CAPS2: variants seen among roughly 807,000 people sequenced by gnomAD.
CAPS2 encodes calcyphosine 2.
In CAPS2, 98 loss-of-function variants were observed where a neutral mutation model predicts 86.5. The ratio of observed to expected loss-of-function variants is 1.13; its 90% CI spans 0.96 to 1.34. The LOEUF (loss-of-function observed/expected upper bound fraction) is 1.34, where lower values mean the gene tolerates loss of function less well. Ranked by LOEUF, CAPS2 falls within the 40% of genes most tolerant of loss-of-function variation. The pLI, the probability that CAPS2 is intolerant of heterozygous loss-of-function variation, is 0.00. For missense variants in CAPS2, 729 were observed against 686.8 expected, an observed-to-expected ratio of 1.06 and a Z score of -0.69; for synonymous variants, 210 against 225.1, an observed-to-expected ratio of 0.93 and a Z score of 0.60.
chr12:75,306,019 C>T, intron 7 of CAPS2: 1 of 1,464,024 alleles, frequency 6.8e-7, no homozygotes, highest in Admixed American at 1.9e-5. Context: ...TCCTGAGCCT[C>T]ATTCTACTTG....
At chr12:75,334,675 A>G, upstream of CAPS2, 1 of 1,575,228 alleles carries the variant, frequency 6.3e-7, no homozygotes, top group Non-Finnish European at 8.6e-7. Flanking sequence ...GGGTTGCCCC[A>G]GCCGTTACTG....
intron 1 of CAPS2, among the ~76,000 whole-genome samples, chr12:75,348,118 G>A (rs1194458229): frequency 6.6e-6 from 1 of 151,990 alleles, no homozygotes; most frequent in Non-Finnish European, 1.5e-5. Context: ...TTTAAGAAAA[G>A]AACAACATAA....
chr12:75,344,013 G>A (rs2042290303), intron 1 of CAPS2: 4 of 1,239,642 alleles, frequency 3.2e-6, no homozygotes, highest in Admixed American at 4.8e-5. Flanking sequence ...TTCTCTGTAT[G>A]TAAAGTGCCT....
intron 16 of CAPS2, 32 bp from the exon 17 acceptor site, chr12:75,279,097 C>A: frequency 6.9e-7 from 1 of 1,449,160 alleles, no homozygotes; most frequent in South Asian, 1.6e-5. Context: ...GAAACAGTTT[C>A]CTGAAAAGTT....
At chr12:75,306,631 C>A (rs2038536490) in intron 7 of CAPS2, among the ~76,000 whole-genome samples, 2 of 152,266 alleles carry the variant, frequency 1.3e-5, no homozygotes, top group Non-Finnish European at 2.9e-5. Flanking sequence ...ACGTGCTAAA[C>A]TGATGAAATA....
At chr12:75,358,014 A>G (rs1343938193) in intron 1 of CAPS2, among the ~76,000 whole-genome samples, 1 of 151,602 alleles carries the variant, frequency 6.6e-6, no homozygotes, top group Non-Finnish European at 1.5e-5. Flanking sequence ...GCATACATAA[A>G]TAAAATAACA....
At chr12:75,292,956 C>T (rs1029986856) in intron 12 of CAPS2, among the ~76,000 whole-genome samples, 3 of 150,900 alleles carry the variant, frequency 2.0e-5, no homozygotes, top group African/African-American at 7.3e-5. Context: ...AAATTTATTT[C>T]TTTTGGTAAT....
At chr12:75,304,976 C>T (rs2038276815) in intron 7 of CAPS2, 100 bp from the exon 8 acceptor site, 1 of 882,572 alleles carries the variant, frequency 1.1e-6, no homozygotes, top group East Asian at 2.9e-5. Flanking sequence ...ATACCAAATG[C>T]AAATTTACAA....
At chr12:75,354,041 G>C (rs1419543441) in intron 1 of CAPS2, among the ~76,000 whole-genome samples, 1 of 151,414 alleles carries the variant, frequency 6.6e-6, no homozygotes, top group Non-Finnish European at 1.5e-5. Flanking sequence ...ATGTCATACT[G>C]AATGGGCAAA....
At chr12:75,355,762 T>C (rs974286360) in intron 1 of CAPS2, among the ~76,000 whole-genome samples, 1 of 152,032 alleles carries the variant, frequency 6.6e-6, no homozygotes, top group African/African-American at 2.4e-5. Flanking sequence ...ATAAAGAAAA[T>C]GTGGTACATA....
At chr12:75,291,815 G>T (rs762718498) in exon 13 of CAPS2, 1 of 1,533,852 alleles carries the variant, frequency 6.5e-7, no homozygotes, top group Non-Finnish European at 8.9e-7. Flanking sequence ...TTCCATAGAA[G>T]CAGTTCTGCA....
chr12:75,308,709 G>C (rs764446685), intron 7 of CAPS2, among the ~76,000 whole-genome samples: 1 of 152,006 alleles, frequency 6.6e-6, no homozygotes, highest in Non-Finnish European at 1.5e-5. Flanking sequence ...TTAAAAGTTG[G>C]ATAAAGAACA....
exon 4 of CAPS2, chr12:75,323,026 C>G (rs2040443028): frequency 1.9e-6 from 3 of 1,550,272 alleles, no homozygotes; most frequent in African/African-American, 1.4e-5. Flanking sequence ...TGTGACCCAG[C>G]CAAGAGTAGA....
chr12:75,318,391 G>A (rs187077537), intron 5 of CAPS2, among the ~76,000 whole-genome samples: 1 of 152,170 alleles, frequency 6.6e-6, no homozygotes, highest in Non-Finnish European at 1.5e-5. Flanking sequence ...TCAAAAGAAC[G>A]AAGTAGCTTT....
At chr12:75,356,008 CA>C (rs1355476145) in intron 1 of CAPS2, among the ~76,000 whole-genome samples, 2 of 151,796 alleles carry the variant, frequency 1.3e-5, no homozygotes, top group African/African-American at 4.8e-5. Context: ...AGAGCATCAG[CA>C]AAAATAGCTA....
At chr12:75,323,286 T>C (rs1042345436) in intron 2 of CAPS2, 64 bp from the exon 4 acceptor site, 7 of 1,284,990 alleles carry the variant, frequency 5.4e-6, no homozygotes, top group African/African-American at 4.5e-5. Flanking sequence ...ATGCAAATCT[T>C]ATATGTTACA....
At position 75,280,655 on chromosome 12, in the gene CAPS2, A is replaced by C. The variant is rs74110643; in HGVS notation, c.1613-1590T>G. On this transcript the variant is annotated intron_variant, in intron 16 of 16. Coordinates refer to ENST00000393284, the Ensembl canonical transcript of CAPS2. ...ATAATGACGTGTTTAAAGGAAAAAA[A>C]TACACTAGCAACAATTAAACATACA... Among the ~76,000 whole-genome samples, 1,282 of 152,018 alleles carry C rather than the reference A, an allele frequency of 8.4e-3. 21 individuals carry two copies. Among genetic ancestry groups the C allele is most frequent in the African/African-American group, 0.029 (1,207 of 41,548 alleles).
intron 1 of CAPS2, among the ~76,000 whole-genome samples, chr12:75,365,741 T>C (rs762920172): frequency 1.3e-5 from 2 of 152,146 alleles, no homozygotes; most frequent in Non-Finnish European, 2.9e-5. Flanking sequence ...AGTCATCATT[T>C]AAAATTATTT....
At chr12:75,291,578 T>A (rs2035931745) in intron 13 of CAPS2, among the ~76,000 whole-genome samples, 166 bp downstream of exon 13, 1 of 65,024 alleles carries the variant, frequency 1.5e-5, no homozygotes, top group Non-Finnish European at 3.3e-5. Context: ...TATATATATA[T>A]ATATATATAT....
Sources: allele counts gnomAD v4.1 joint callset (sites outside exome capture counted in the v4.1 genomes callset), GRCh38; gene constraint gnomAD v4.1.1; transcripts MANE v1.5; gene names NCBI Gene and HGNC (gene_info 2026-07-23, HGNC 2026-07-21).